TLN2: variants seen among roughly 807,000 people sequenced by gnomAD.
TLN2 encodes the protein talin-2.
TLN2 carries 118 observed loss-of-function variants against 294.7 expected under a neutral mutation model. The observed-to-expected ratio is 0.40, with a 90% CI of 0.34 to 0.47. The LOEUF is 0.47. Among genes scored for constraint, TLN2 ranks in the 20% least tolerant of loss-of-function variants. The probability of loss-of-function intolerance (pLI) is 0.84; values close to 1 mark genes in which losing one functional copy is unlikely to be tolerated. For synonymous variants in TLN2, 1,431 were observed against 1,304.5 expected, an observed-to-expected ratio of 1.10 and a Z score of -2.09; for missense variants, 3,083 against 3,282.2, an observed-to-expected ratio of 0.94 and a Z score of 1.48.
chr15:62,685,017 G>T (rs2057162308), intron 11 of TLN2, among the ~76,000 whole-genome samples: 1 of 151,308 alleles, frequency 6.6e-6, no homozygotes, highest in African/African-American at 2.4e-5. Context: ...CTAGGTTTCA[G>T]CAAATATGAG....
chr15:62,835,721 C>T lies in TLN2; in HGVS notation c.7129-16C>T, dbSNP rs527414179. On this transcript the variant is annotated splice_polypyrimidine_tract_variant and intron_variant, in intron 55 of 58. Coordinates refer to ENST00000636159, the MANE Select transcript of TLN2 (RefSeq NM_015059.3). ...CTGCCTGCCCTCATGGCCAATTTCT[C>T]GACTCTACTCTCTAGGTGGGCTCCA... is the stretch of plus-strand genomic sequence containing the variant. The T allele has an allele frequency of 8.3e-5, 134 of 1,614,076 alleles. No homozygotes were observed. The Middle Eastern group carries it at 1.2e-3, about 14-fold the overall frequency.
chr15:62,411,516 G>A (rs541326720), intron 1 of TLN2, among the ~76,000 whole-genome samples: 8 of 150,124 alleles, frequency 5.3e-5, no homozygotes, highest in Admixed American at 4.7e-4. Flanking sequence ...GGCAACCTCA[G>A]GATAGAAGTT....
chr15:62,422,909 G>C (rs2034494282), intron 1 of TLN2, among the ~76,000 whole-genome samples: 1 of 152,192 alleles, frequency 6.6e-6, no homozygotes, highest in South Asian at 2.1e-4. Context: ...AGCAGAACAT[G>C]GGTGCTGTTT....
chr15:62,390,973 C>T (rs959831396), intron 1 of TLN2, among the ~76,000 whole-genome samples: 1 of 152,242 alleles, frequency 6.6e-6, no homozygotes, highest in Non-Finnish European at 1.5e-5. Context: ...GGTTTGCAAA[C>T]AGCCTCGCAG....
intron 1 of TLN2, among the ~76,000 whole-genome samples, chr15:62,565,399 A>G (rs1210648700): frequency 6.6e-6 from 1 of 152,180 alleles, no homozygotes; most frequent in African/African-American, 2.4e-5. Flanking sequence ...GGTTTCTGAA[A>G]TATGATCTAT....
intron 52 of TLN2, among the ~76,000 whole-genome samples, chr15:62,818,019 G>A (rs1200283703): frequency 3.3e-5 from 5 of 151,640 alleles, no homozygotes; most frequent in African/African-American, 7.3e-5. Flanking sequence ...CATGTTGGCC[G>A]GGCTGGTCTC....
Position 62,702,213 on chromosome 15 carries a change from G to C in TLN2, c.1905+13G>C, listed in dbSNP as rs747235929. On this transcript the variant is annotated intron_variant, in intron 18 of 58. Coordinates refer to ENST00000636159, the MANE Select transcript of TLN2 (RefSeq NM_015059.3). ...TACTTCTGGAGAGGTAAGCTCCAGA[G>C]GCAAGCAATCACTCAGGTTCTGATG... 1.3e-5 allele frequency: 21 copies of C among 1,571,280 alleles called. No individual in the cohort carries two copies. Among genetic ancestry groups the C allele is most frequent in the Non-Finnish European group, 1.7e-5 (20 of 1,156,688 alleles).
intron 50 of TLN2, among the ~76,000 whole-genome samples, chr15:62,801,356 T>C (rs8040709): frequency 0.017 from 2,516 of 152,308 alleles, 55 homozygotes; most frequent in African/African-American, 0.051. Flanking sequence ...GTGGATGATA[T>C]CTGCTGTTCT....
rs34783254 is a variant in TLN2, at chr15:62,713,897, CAT to C, written c.2634+1837_2634+1838del. Among the ~76,000 whole-genome samples the C allele has an allele frequency of 1.3e-4, 16 of 119,120 alleles. 1 individual carries two copies. The highest frequency in any genetic ancestry group is 2.1e-4 in the African/African-American group (8 of 37,408). The allele number at this position is 119,120 out of a possible 152,430, so 78.1% of individuals were successfully genotyped here. The stretch of plus-strand genomic sequence containing the variant: ...CTGCTATTAACCCCCTTCTTTAAGC[CAT>C]ATATATATATATATATGCTGTGTGT... On this transcript the variant is annotated intron_variant, in intron 22 of 58. Transcript: ENST00000636159.
chr15:62,557,902 G>A (rs1167927953), intron 1 of TLN2, among the ~76,000 whole-genome samples: 1 of 152,198 alleles, frequency 6.6e-6, no homozygotes, highest in East Asian at 1.9e-4. Context: ...ACAAGCCCTA[G>A]TACCTTTAAA....
chr15:62,657,383 A>G (rs1181068930), intron 8 of TLN2, among the ~76,000 whole-genome samples: 1 of 151,914 alleles, frequency 6.6e-6, no homozygotes, highest in Non-Finnish European at 1.5e-5. Context: ...TAGATATTTG[A>G]TTAGCTAGCT....
At chr15:62,813,333 T>C (rs1367266993) in intron 52 of TLN2, among the ~76,000 whole-genome samples, 1 of 152,222 alleles carries the variant, frequency 6.6e-6, no homozygotes, top group Non-Finnish European at 1.5e-5. Context: ...TCATTGTAGT[T>C]TGTAACTATG....
intron 1 of TLN2, among the ~76,000 whole-genome samples, chr15:62,478,686 T>C (rs2037920142): frequency 6.6e-6 from 1 of 152,180 alleles, no homozygotes; most frequent in Admixed American, 6.5e-5. Flanking sequence ...TAGGGGTTGA[T>C]TCAGTGTGTT....
intron 12 of TLN2, among the ~76,000 whole-genome samples, chr15:62,690,055 C>T (rs1405901299): frequency 8.6e-5 from 7 of 81,454 alleles, no homozygotes; most frequent in African/African-American, 2.6e-4. Flanking sequence ...CGGGCAGAGG[C>T]GCCCCTCACC....
At chr15:62,509,574 C>CT (rs1264217244) in intron 1 of TLN2, among the ~76,000 whole-genome samples, 2 of 152,184 alleles carry the variant, frequency 1.3e-5, no homozygotes, top group Non-Finnish European at 2.9e-5. Context: ...GTCATCCTCT[C>CT]TCCTATCTTC....
chr15:62,727,627 A>G (rs919476220), intron 28 of TLN2, among the ~76,000 whole-genome samples: 1 of 152,242 alleles, frequency 6.6e-6, no homozygotes, highest in Non-Finnish European at 1.5e-5. Flanking sequence ...GCAAGGAAGC[A>G]AGCTGATTTG....
At chr15:62,825,784 A>ATAATATATATTATATAT (rs1555521868) in intron 54 of TLN2, among the ~76,000 whole-genome samples, 2 of 14,612 alleles carry the variant, frequency 1.4e-4, no homozygotes, top group Non-Finnish European at 2.7e-4. Flanking sequence ...ATAATATATT[A>ATAATATATATTATATAT]TATATTATAA....
At chr15:62,557,173 G>C (rs1360016202) in intron 1 of TLN2, among the ~76,000 whole-genome samples, 1 of 152,160 alleles carries the variant, frequency 6.6e-6, no homozygotes, top group African/African-American at 2.4e-5. Flanking sequence ...ATGTGAGCGG[G>C]ATCAAGGGTT....
chr15:62,517,905 A>G (rs1312451864), intron 1 of TLN2, among the ~76,000 whole-genome samples: 1 of 152,202 alleles, frequency 6.6e-6, no homozygotes, highest in African/African-American at 2.4e-5. Context: ...TACTTGAACT[A>G]TTTAAGCCTG....
Sources: gnomAD v4.1 joint callset for allele counts (sites outside exome capture counted in the v4.1 genomes callset) on GRCh38, gnomAD v4.1.1 for gene constraint, MANE v1.5 for transcripts, NCBI Gene and HGNC (gene_info 2026-07-23, HGNC 2026-07-21) for gene names.